The following ASCC3 variants were observed in gnomAD, a reference collection of about 807,000 sequenced individuals.
ASCC3 encodes activating signal cointegrator 1 complex subunit 3.
A neutral mutation model predicts 256.3 loss-of-function variants in ASCC3; 158 were observed. That is an observed-to-expected ratio of 0.62 (90% CI 0.54 to 0.70). The LOEUF is 0.70. Among genes scored for constraint, ASCC3 ranks in the 30% least tolerant of loss-of-function variants. The pLI is 0.00. For missense variants in ASCC3, 2,259 were observed against 2,626.0 expected, an observed-to-expected ratio of 0.86 and a Z score of 3.05; for synonymous variants, 948 against 883.4, an observed-to-expected ratio of 1.07 and a Z score of -1.30.
intron 3 of ASCC3, among the ~76,000 whole-genome samples, chr6:100,852,441 CAT>C (rs1344966727): frequency 1.3e-5 from 2 of 152,150 alleles, no homozygotes; most frequent in Non-Finnish European, 2.9e-5. Flanking sequence ...CAAAATTGAA[CAT>C]GTTACATTAA....
chr6:100,650,803 G>T, intron 19 of ASCC3, 89 bp from the exon 20 acceptor site: 1 of 1,049,194 alleles, frequency 9.5e-7, no homozygotes, highest in Non-Finnish European at 1.4e-6. Flanking sequence ...TGTTTTTAAA[G>T]AGTTTCCATT....
chr6:100,862,526 A>G (rs1773274640), intron 3 of ASCC3, among the ~76,000 whole-genome samples: 2 of 152,218 alleles, frequency 1.3e-5, no homozygotes, highest in Admixed American at 1.3e-4. Flanking sequence ...GAGCTGGTAC[A>G]TGGAATAAAA....
At chr6:100,667,031 T>C (rs1196538843) in intron 14 of ASCC3, among the ~76,000 whole-genome samples, 1 of 152,254 alleles carries the variant, frequency 6.6e-6, no homozygotes, top group Non-Finnish European at 1.5e-5. Context: ...ATAATGTGTT[T>C]ATGATAGAGG....
chr6:100,721,320 C>T (rs1779318917), intron 11 of ASCC3, among the ~76,000 whole-genome samples: 1 of 151,694 alleles, frequency 6.6e-6, no homozygotes, highest in Non-Finnish European at 1.5e-5. Flanking sequence ...TGGCTCACTG[C>T]AAATAAATGT....
At chr6:100,580,286 T>C (rs548928052) in intron 36 of ASCC3, among the ~76,000 whole-genome samples, 2 of 152,056 alleles carry the variant, frequency 1.3e-5, no homozygotes, top group African/African-American at 2.4e-5. Context: ...GAGAAAAATA[T>C]ATAGCTCAGT....
chr6:100,865,848 C>G (rs1773450700), intron 2 of ASCC3, among the ~76,000 whole-genome samples: 1 of 152,158 alleles, frequency 6.6e-6, no homozygotes, highest in Non-Finnish European at 1.5e-5. Flanking sequence ...AAATTCACAA[C>G]ATTATGGCTA....
Position 100,776,025 on chromosome 6 carries a change from T to C in ASCC3, c.1396-8680A>G, listed in dbSNP as rs145195986. ...AAAACAAATGATTAAAGAAGAAGAA[T>C]AATGTGGGTTATATCAAAACTCTAT... is the stretch of plus-strand genomic sequence containing the variant. On this transcript the variant is annotated intron_variant, in intron 8 of 41. Coordinates refer to ENST00000369162, the MANE Select transcript of ASCC3 (RefSeq NM_006828.4). Among the ~76,000 whole-genome samples the C allele has an allele frequency of 3.4e-3, 521 of 152,172 alleles. 3 individuals are homozygous for C. The highest frequency in any genetic ancestry group is 0.012 in the African/African-American group (497 of 41,570).
rs562279412 is a variant in ASCC3 at position 100,537,536 on chromosome 6, C to T, written c.5775+2627G>A. On this transcript the variant is annotated intron_variant, in intron 37 of 41. Coordinates refer to ENST00000369162, the MANE Select transcript of ASCC3 (RefSeq NM_006828.4). Reference sequence around the variant, plus strand: ...AGATTTGTTAATAGGACTGAACCAACACCGAGTTAAGATGTTACCTTTAGG... The same window carrying T: ...AGATTTGTTAATAGGACTGAACCAATACCGAGTTAAGATGTTACCTTTAGG... 4.6e-5 allele frequency among the ~76,000 whole-genome samples: 7 copies of T among 152,196 alleles called. No individual in the cohort carries two copies. The East Asian group carries it at 1.4e-3, about 29-fold the overall frequency.
intron 32 of ASCC3, 137 bp downstream of exon 32, chr6:100,606,603 A>G: frequency 2.1e-6 from 2 of 966,998 alleles, no homozygotes; most frequent in Non-Finnish European, 2.9e-6. Flanking sequence ...CAAAAAGTCT[A>G]TAATTGCTTA....
At chr6:100,763,684 G>A (rs905930570) in intron 10 of ASCC3, among the ~76,000 whole-genome samples, 10 of 152,194 alleles carry the variant, frequency 6.6e-5, no homozygotes, top group African/African-American at 2.4e-4. Context: ...TTGATCATGT[G>A]TACACAGGAC....
In ASCC3 at chr6:100,679,640, T is replaced by G. The variant is rs763648664; in HGVS notation, c.2264A>C (p.Asp755Ala). 6.2e-7 allele frequency: 1 copy of G among 1,613,510 alleles called. No homozygotes were observed. The highest frequency in any genetic ancestry group is 8.5e-7 in the Non-Finnish European group (1 of 1,179,710). The change falls in exon 14 of 42, where the codon GAC (aspartate) becomes GCC (alanine). Residue 755 changes from aspartate (D) to alanine (A), a missense_variant. Physicochemically the swap from Asp to Ala is moderately radical, Grantham distance 126 (BLOSUM62 -2). Coordinates refer to ENST00000369162, the MANE Select transcript of ASCC3 (RefSeq NM_006828.4). ...IPFFFPTQGH[D>A]YVLAEKQVQR... Reference sequence around the variant, plus strand: ...TACCTGTTTTTCTGCAAGTACATAGTCATGTCCTTGGGTAGGAAAAAAGAA... The same window carrying G: ...TACCTGTTTTTCTGCAAGTACATAGGCATGTCCTTGGGTAGGAAAAAAGAA...
chr6:100,656,074 T>C (rs1162373197), intron 16 of ASCC3, among the ~76,000 whole-genome samples: 2 of 151,764 alleles, frequency 1.3e-5, no homozygotes, highest in Non-Finnish European at 3.0e-5. Context: ...ACAATTATTT[T>C]TCTTTATAAG....
chr6:100,652,897 A>C lies in ASCC3; in HGVS notation c.2824-8T>G, dbSNP rs770222353. The C allele has an allele frequency of 2.0e-5, 32 of 1,612,086 alleles. No homozygotes were observed. Among genetic ancestry groups the C allele is most frequent in the Non-Finnish European group, 2.7e-5 (32 of 1,178,520 alleles). ...TCTTAATGTTGGGTCAATCTATGGC[A>C]AAAAATATATAAACAGTTGAATAGT... On this transcript the variant is annotated splice_polypyrimidine_tract_variant and splice_region_variant and intron_variant, in intron 17 of 41. Coordinates refer to ENST00000369162, the MANE Select transcript of ASCC3 (RefSeq NM_006828.4).
At chr6:100,516,051 G>T in intron 39 of ASCC3, 129 bp downstream of exon 39, 1 of 1,095,004 alleles carries the variant, frequency 9.1e-7, no homozygotes. Flanking sequence ...CATAATCATA[G>T]TAGTAAATGG....
intron 10 of ASCC3, among the ~76,000 whole-genome samples, chr6:100,758,663 A>G (rs1175624030): frequency 6.6e-6 from 1 of 152,082 alleles, no homozygotes; most frequent in African/African-American, 2.4e-5. Flanking sequence ...TTGGTTTCCT[A>G]TCTTTGCTAT....
intron 8 of ASCC3, among the ~76,000 whole-genome samples, chr6:100,769,173 C>T (rs1781799883): frequency 6.6e-6 from 1 of 151,944 alleles, no homozygotes; most frequent in Non-Finnish European, 1.5e-5. Flanking sequence ...AAATGTTCAT[C>T]TCATCGAAGT....
At chr6:100,720,764 A>G (rs1319208216) in intron 11 of ASCC3, among the ~76,000 whole-genome samples, 1 of 150,862 alleles carries the variant, frequency 6.6e-6, no homozygotes, top group East Asian at 1.9e-4. Flanking sequence ...ATATAATTAG[A>G]ATTTGATTAC....
intron 4 of ASCC3, among the ~76,000 whole-genome samples, chr6:100,824,505 T>A (rs766744759): frequency 1.3e-5 from 2 of 152,126 alleles, no homozygotes. Flanking sequence ...GACATCCTTA[T>A]CGCTTCTCAG....
At chr6:100,557,902 C>A (rs74597748) in intron 36 of ASCC3, among the ~76,000 whole-genome samples, 2,068 of 149,522 alleles carry the variant, frequency 0.014, 27 homozygotes, top group Non-Finnish European at 0.015. Flanking sequence ...TCACCCCCCC[C>A]AAAAAAATGT....
Sources: allele counts gnomAD v4.1 joint callset (sites outside exome capture counted in the v4.1 genomes callset), GRCh38; gene constraint gnomAD v4.1.1; transcripts MANE v1.5; gene names NCBI Gene and HGNC (gene_info 2026-07-23, HGNC 2026-07-21).